ANKFY1: variants seen among roughly 807,000 people sequenced by gnomAD.
ANKFY1 encodes ankyrin repeat and FYVE domain containing 1.
In ANKFY1, 47 loss-of-function variants were observed where a neutral mutation model predicts 128.3. That is an observed-to-expected ratio of 0.37 (90% CI 0.29 to 0.47). ANKFY1 has a LOEUF of 0.47. ANKFY1 is among the 20% of genes least tolerant of loss of function. ANKFY1 has a pLI of 1.00. For missense variants in ANKFY1, 1,222 were observed against 1,510.6 expected (o/e 0.81, Z 3.17); for synonymous variants, 553 against 601.6 (o/e 0.92, Z 1.18).
intron 5 of ANKFY1, 104 bp from the exon 6 acceptor site, chr17:4,208,186 G>T: frequency 8.9e-7 from 1 of 1,125,004 alleles, no homozygotes; most frequent in East Asian, 2.7e-5. Flanking sequence ...CTTCTTTAAG[G>T]GCTTAACCTT....
chr17:4,204,216 G>A lies in ANKFY1; in HGVS notation c.898+2105C>T, dbSNP rs901512186. The stretch of plus-strand genomic sequence containing the variant: ...TGGACCTGGTTATGGCATTTCCAAC[G>A]CAGGGGCAAGCGATGAATGGCAGGG... On this transcript the variant is annotated intron_variant, in intron 7 of 24. Coordinates refer to ENST00000341657, the MANE Select transcript of ANKFY1 (RefSeq NM_001330063.2). 6.6e-5 allele frequency among the ~76,000 whole-genome samples: 10 copies of A among 152,306 alleles called. No individual in the cohort carries two copies. In the South Asian group the frequency reaches 1.5e-3, roughly 22 times the overall value.
intron 6 of ANKFY1, among the ~76,000 whole-genome samples, chr17:4,207,109 T>TATCTAACCACAGAGGGCCCGACCC (rs1361097370): frequency 6.6e-6 from 1 of 151,804 alleles, no homozygotes; most frequent in Non-Finnish European, 1.5e-5. Flanking sequence ...AGGCCCGACC[T>TATCTAACCACAGAGGGCCCGACCC]ATCTAACCAC....
chr17:4,245,110 T>A (rs1967466125), intron 1 of ANKFY1, among the ~76,000 whole-genome samples: 2 of 152,320 alleles, frequency 1.3e-5, no homozygotes, highest in South Asian at 4.1e-4. Flanking sequence ...CTTCTCTTAC[T>A]CCAGCAACCA....
At chr17:4,184,333 C>T (rs1019741829) in intron 12 of ANKFY1, among the ~76,000 whole-genome samples, 2 of 152,200 alleles carry the variant, frequency 1.3e-5, no homozygotes, top group African/African-American at 2.4e-5. Flanking sequence ...TAAAAAAACA[C>T]TGTCCTTAAC....
At chr17:4,218,254 A>AATAT (rs1483757896) in intron 3 of ANKFY1, among the ~76,000 whole-genome samples, 2 of 152,240 alleles carry the variant, frequency 1.3e-5, no homozygotes, top group Admixed American at 6.5e-5. Flanking sequence ...ATAAAGAAAA[A>AATAT]TGTACTAAGA....
intron 11 of ANKFY1, chr17:4,189,003 G>T: frequency 5.0e-6 from 1 of 201,256 alleles, no homozygotes; most frequent in Non-Finnish European, 1.0e-5. Flanking sequence ...GTGCGACATA[G>T]ACTCATACGT....
intron 2 of ANKFY1, 37 bp from the exon 3 acceptor site, chr17:4,235,927 GTCA>G: frequency 6.8e-7 from 1 of 1,476,834 alleles, no homozygotes; most frequent in Non-Finnish European, 9.5e-7. Flanking sequence ...TTAGAAAAAT[GTCA>G]TCATAACTAG....
intron 7 of ANKFY1, among the ~76,000 whole-genome samples, chr17:4,202,981 C>CAT (rs56774221): frequency 0.33 from 48,723 of 146,078 alleles, 8,566 homozygotes; most frequent in East Asian, 0.72. Flanking sequence ...TAATCATACA[C>CAT]ATATATATAT....
intron 16 of ANKFY1, among the ~76,000 whole-genome samples, chr17:4,180,777 A>AG (rs1299839009): frequency 6.6e-6 from 1 of 151,386 alleles, no homozygotes; most frequent in Non-Finnish European, 1.5e-5. Context: ...AAAAAAAAAA[A>AG]AAAAAAAGAA....
At chr17:4,261,345 T>C (rs1215456671) in intron 1 of ANKFY1, among the ~76,000 whole-genome samples, 8 of 152,298 alleles carry the variant, frequency 5.3e-5, no homozygotes, top group African/African-American at 1.9e-4. Context: ...CCGGGTATGA[T>C]GGCGGGTGCC....
At chr17:4,241,864 C>T (rs1298161925) in intron 2 of ANKFY1, among the ~76,000 whole-genome samples, 3 of 151,458 alleles carry the variant, frequency 2.0e-5, no homozygotes, top group Non-Finnish European at 4.4e-5. Context: ...CCGAGGCAGG[C>T]GGACCATGAG....
intron 7 of ANKFY1, among the ~76,000 whole-genome samples, chr17:4,198,596 T>C (rs531434423): frequency 6.6e-6 from 1 of 152,192 alleles, no homozygotes; most frequent in Non-Finnish European, 1.5e-5. Flanking sequence ...GGTCTCAAAC[T>C]CCTGAGCTCA....
chr17:4,214,337 A>G (rs1264676997), intron 4 of ANKFY1, among the ~76,000 whole-genome samples: 1 of 152,232 alleles, frequency 6.6e-6, no homozygotes, highest in Non-Finnish European at 1.5e-5. Flanking sequence ...GATTATAAAT[A>G]GTAACTGACA....
chr17:4,165,352 A>AT lies in ANKFY1; in HGVS notation c.*2426dup, dbSNP rs1395316500. On this transcript the variant is annotated 3_prime_UTR_variant, in exon 25 of 25. Coordinates refer to ENST00000341657, the MANE Select transcript of ANKFY1 (RefSeq NM_001330063.2). ...TCAGAAGTGGCAACTTTCTGAATGA[A>AT]TTTAAGTTTTTGCTACTAGTACTTA... 6.6e-6 allele frequency: 1 copy of AT among 152,226 alleles called. No homozygotes were observed. Among genetic ancestry groups the AT allele is most frequent in the Non-Finnish European group, 1.5e-5 (1 of 68,034 alleles). 9.4% of individuals were successfully genotyped at this position (152,226 alleles called of 1,614,324 possible).
chr17:4,247,725 G>A (rs1344482604), intron 1 of ANKFY1, among the ~76,000 whole-genome samples: 2 of 152,184 alleles, frequency 1.3e-5, no homozygotes, highest in African/African-American at 4.8e-5. Flanking sequence ...GCAAAATGGA[G>A]AGAGAATTTA....
intron 2 of ANKFY1, 55 bp downstream of exon 2, chr17:4,242,201 T>TG: frequency 7.0e-7 from 1 of 1,418,732 alleles, no homozygotes; most frequent in Non-Finnish European, 9.3e-7. Flanking sequence ...AGAAAAGCTG[T>TG]AGTGTGGCCC....
At chr17:4,207,872 G>C (rs1223184375) in intron 6 of ANKFY1, 61 bp downstream of exon 6, 2 of 1,477,458 alleles carry the variant, frequency 1.4e-6, no homozygotes, top group Non-Finnish European at 1.8e-6. Context: ...GAAGTACCAC[G>C]GAGAAAGACA....
At chr17:4,220,788 C>T (rs2060297872) in intron 3 of ANKFY1, among the ~76,000 whole-genome samples, 1 of 152,220 alleles carries the variant, frequency 6.6e-6, no homozygotes, top group Non-Finnish European at 1.5e-5. Context: ...CAACTGGGTA[C>T]TTGTGGGTAA....
intron 2 of ANKFY1, among the ~76,000 whole-genome samples, chr17:4,240,143 C>T (rs9909196): frequency 0.35 from 52,900 of 149,426 alleles, 9,535 homozygotes; most frequent in Admixed American, 0.41. Flanking sequence ...CGGCTCACTG[C>T]AACCTCCGCC....
Sources: allele counts gnomAD v4.1 joint callset (sites outside exome capture counted in the v4.1 genomes callset), GRCh38; gene constraint gnomAD v4.1.1; transcripts MANE v1.5; gene names NCBI Gene and HGNC (gene_info 2026-07-23, HGNC 2026-07-21).